GPD2: variants seen among roughly 807,000 people sequenced by gnomAD.
The protein encoded by GPD2 is glycerol-3-phosphate dehydrogenase, mitochondrial.
Under a neutral mutation model 82.4 loss-of-function variants are expected in GPD2, and 54 were observed. That is an observed-to-expected ratio of 0.66 (90% confidence interval 0.53 to 0.82). GPD2 has a LOEUF of 0.82. GPD2 is among the 40% of genes least tolerant of loss of function. The probability of loss-of-function intolerance (pLI) is 0.00; values close to 1 mark genes in which losing one functional copy is unlikely to be tolerated. For missense variants in GPD2, 748 were observed against 896.2 expected (o/e 0.83, Z 2.11); for synonymous variants, 288 against 306.1 (o/e 0.94, Z 0.62).
At chr2:156,419,271 C>A in the GPD2 span, among the ~76,000 whole-genome samples, 25 of 152,012 alleles carry the variant, frequency 1.6e-4, no homozygotes, top group African/African-American at 5.6e-4. Flanking sequence ...GTTGGTCAGG[C>A]TGGTCTCGAA....
chr2:156,456,607 A>C (rs1214083791), intron 1 of GPD2, among the ~76,000 whole-genome samples: 4 of 152,088 alleles, frequency 2.6e-5, no homozygotes, highest in African/African-American at 9.7e-5. Flanking sequence ...AAAAAAAAAA[A>C]AGTTGGTCTT....
In GPD2 at chr2:156,584,629, A is replaced by G. The variant is rs944675014; in HGVS notation, c.*1711A>G. The G allele has an allele frequency of 6.6e-6, 1 of 152,498 alleles. No individual in the cohort carries two copies. Among genetic ancestry groups the G allele is most frequent in the Non-Finnish European group, 1.5e-5 (1 of 67,968 alleles). The allele number at this position is 152,498 out of a possible 1,614,324, so 9.4% of individuals were successfully genotyped here. On this transcript the variant is annotated 3_prime_UTR_variant, in exon 17 of 17. Transcript: ENST00000438166. ...CTTCCTAAGGGAAATCCTAAAACAG[A>G]GCAAGTGATGCTCCCAGGTATCACT...
intron 1 of GPD2, among the ~76,000 whole-genome samples, chr2:156,446,975 G>T (rs901870602): frequency 6.6e-6 from 1 of 152,022 alleles, no homozygotes; most frequent in Non-Finnish European, 1.5e-5. Context: ...CTTAGAGGTG[G>T]TTATCCGAAG....
intron 2 of GPD2, chr2:156,495,841 G>C (rs1684350540): frequency 1.8e-6 from 1 of 564,592 alleles, no homozygotes; most frequent in Non-Finnish European, 3.2e-6. Context: ...CTAAATAGTT[G>C]TGATTCATGA....
At chr2:156,556,028 G>C (rs1052188619) in intron 8 of GPD2, among the ~76,000 whole-genome samples, 10 of 152,168 alleles carry the variant, frequency 6.6e-5, no homozygotes, top group African/African-American at 2.4e-4. Flanking sequence ...AAATAAAGAA[G>C]ATACATTAGT....
chr2:156,424,960 TAAG>T, the GPD2 span, among the ~76,000 whole-genome samples: 2 of 152,210 alleles, frequency 1.3e-5, no homozygotes, highest in Non-Finnish European at 2.9e-5. Context: ...CCATATTTAT[TAAG>T]AATAGTTTCC....
upstream of GPD2, among the ~76,000 whole-genome samples, chr2:156,431,484 T>C (rs554553445): frequency 2.0e-5 from 3 of 152,162 alleles, no homozygotes; most frequent in Non-Finnish European, 4.4e-5. Flanking sequence ...TTTTGTTTTT[T>C]GCTTTTTTTT....
the GPD2 span, among the ~76,000 whole-genome samples, chr2:156,423,379 A>G: frequency 6.6e-6 from 1 of 152,116 alleles, no homozygotes; most frequent in East Asian, 1.9e-4. Context: ...TTGTATATAT[A>G]TTTTCATGTT....
chr2:156,487,027 T>C (rs1317613687), intron 2 of GPD2, among the ~76,000 whole-genome samples: 1 of 152,142 alleles, frequency 6.6e-6, no homozygotes, highest in Admixed American at 6.5e-5. Context: ...AAGTGCTGGC[T>C]GGGTGCATTG....
chr2:156,567,095 A>G (rs1310177807), intron 9 of GPD2, among the ~76,000 whole-genome samples: 2 of 151,876 alleles, frequency 1.3e-5, no homozygotes, highest in African/African-American at 4.8e-5. Context: ...GGAATTTCTC[A>G]TATGTTCTGC....
At chr2:156,487,440 C>T (rs1683987071) in intron 2 of GPD2, among the ~76,000 whole-genome samples, 1 of 152,226 alleles carries the variant, frequency 6.6e-6, no homozygotes, top group Non-Finnish European at 1.5e-5. Flanking sequence ...AACAGTTCTG[C>T]ACTGCTGATG....
the GPD2 span, among the ~76,000 whole-genome samples, chr2:156,404,686 C>CAAA: frequency 0.17 from 10,595 of 63,926 alleles, 687 homozygotes; most frequent in Non-Finnish European, 0.21. Flanking sequence ...TTAAAAATAC[C>CAAA]AAAAAAAAAA....
At chr2:156,469,009 C>G (rs1338320297) in intron 1 of GPD2, among the ~76,000 whole-genome samples, 1 of 152,204 alleles carries the variant, frequency 6.6e-6, no homozygotes, top group Non-Finnish European at 1.5e-5. Context: ...CCTCTACTCT[C>G]TGACTCTCTG....
intron 1 of GPD2, among the ~76,000 whole-genome samples, chr2:156,450,732 A>G (rs1390163082): frequency 8.2e-5 from 7 of 85,568 alleles, no homozygotes; most frequent in African/African-American, 2.9e-4. Context: ...GCAGGGTCAC[A>G]GGACAATAGT....
intron 7 of GPD2, among the ~76,000 whole-genome samples, chr2:156,550,064 A>C (rs952680222): frequency 2.0e-5 from 3 of 152,226 alleles, no homozygotes; most frequent in Non-Finnish European, 4.4e-5. Context: ...AAAACATGTT[A>C]TTAATAAAAT....
chr2:156,415,507 T>C, the GPD2 span, among the ~76,000 whole-genome samples: 1 of 151,712 alleles, frequency 6.6e-6, no homozygotes, highest in South Asian at 2.1e-4. Flanking sequence ...CTCCCACATA[T>C]CAGTGAGAAC....
chr2:156,583,133 T>C lies in GPD2; in HGVS notation c.*215T>C. On this transcript the variant is annotated 3_prime_UTR_variant, in exon 17 of 17. Coordinates refer to ENST00000438166, the MANE Select transcript of GPD2 (RefSeq NM_000408.5). The stretch of plus-strand genomic sequence containing the variant: ...CCATTCAGTCTAGCTTTTAAGTATA[T>C]TTTTTTCTTTTTCTCATTTTCAATG... The C allele has an allele frequency of 3.7e-6, 2 of 543,230 alleles. No homozygotes were observed. The highest frequency in any genetic ancestry group is 4.1e-5 in the South Asian group (2 of 48,570). The allele number at this position is 543,230 out of a possible 1,614,324, so 33.7% of individuals were successfully genotyped here. A position where few individuals can be genotyped will look rare whatever the true frequency, so the allele number is the denominator to read the frequency against.
At chr2:156,552,643 C>A (rs1312167808) in intron 8 of GPD2, among the ~76,000 whole-genome samples, 1 of 152,076 alleles carries the variant, frequency 6.6e-6, no homozygotes, top group Non-Finnish European at 1.5e-5. Flanking sequence ...AGATTATTCC[C>A]CACAGACCTT....
At chr2:156,490,912 G>A (rs1573924054) in intron 2 of GPD2, among the ~76,000 whole-genome samples, 2 of 151,980 alleles carry the variant, frequency 1.3e-5, no homozygotes, top group South Asian at 2.1e-4. Flanking sequence ...GGTATAATTT[G>A]TAGTATAAAG....
Sources: gnomAD v4.1 joint callset for allele counts (sites outside exome capture counted in the v4.1 genomes callset) on GRCh38, gnomAD v4.1.1 for gene constraint, MANE v1.5 for transcripts, NCBI Gene and HGNC (gene_info 2026-07-23, HGNC 2026-07-21) for gene names.